The following PPP1R12A variants were observed in gnomAD, a reference collection of about 807,000 sequenced individuals.
PPP1R12A encodes myosin binding subunit.
A neutral mutation model predicts 139.6 loss-of-function variants in PPP1R12A; 19 were observed. The ratio of observed to expected loss-of-function variants is 0.14; its 90% CI spans 0.09 to 0.20. The LOEUF is 0.20. PPP1R12A is among the 10% of genes least tolerant of loss of function. The probability of loss-of-function intolerance (pLI) is 1.00; values close to 1 mark genes in which losing one functional copy is unlikely to be tolerated. For missense variants in PPP1R12A, 925 were observed against 1,211.5 expected (o/e 0.76, Z 3.51); for synonymous variants, 427 against 420.6 (o/e 1.02, Z -0.19).
chr12:79,776,793 G>T (rs1335308117), intron 24 of PPP1R12A, among the ~76,000 whole-genome samples: 3 of 152,212 alleles, frequency 2.0e-5, no homozygotes, highest in African/African-American at 7.2e-5. Flanking sequence ...GATTAAAACT[G>T]TATGTTCTTT....
At chr12:79,868,229 T>C (rs1158278339) in intron 2 of PPP1R12A, among the ~76,000 whole-genome samples, 1 of 152,200 alleles carries the variant, frequency 6.6e-6, no homozygotes, top group African/African-American at 2.4e-5. Context: ...GTATAATGAA[T>C]TGATAATTCA....
At chr12:79,911,100 T>C (rs1886529068) in intron 1 of PPP1R12A, among the ~76,000 whole-genome samples, 1 of 152,206 alleles carries the variant, frequency 6.6e-6, no homozygotes, top group South Asian at 2.1e-4. Context: ...AAATTAATCT[T>C]TCTGCAGTAG....
At chr12:79,928,362 C>A (rs921762812) in intron 1 of PPP1R12A, among the ~76,000 whole-genome samples, 1 of 152,168 alleles carries the variant, frequency 6.6e-6, no homozygotes, top group African/African-American at 2.4e-5. Context: ...GGCACTGGTG[C>A]CCTACCAGCA....
chr12:79,828,230 T>G, intron 5 of PPP1R12A, 90 bp downstream of exon 5: 1 of 1,155,424 alleles, frequency 8.7e-7, no homozygotes, highest in Non-Finnish European at 1.2e-6. Flanking sequence ...AATGTAATCC[T>G]TATAACCTTT....
At chr12:79,825,408 ATAAAT>A (rs1428196511) in intron 5 of PPP1R12A, 23 of 152,106 alleles carry the variant, frequency 1.5e-4, no homozygotes, top group African/African-American at 5.5e-4. Flanking sequence ...AATTATTTTA[ATAAAT>A]TAAGAAAGCA....
chr12:79,927,190 A>C (rs907623772), intron 1 of PPP1R12A, among the ~76,000 whole-genome samples: 2 of 152,152 alleles, frequency 1.3e-5, no homozygotes, highest in Non-Finnish European at 2.9e-5. Flanking sequence ...ACCCTGTCTC[A>C]AAACACACAT....
At chr12:79,833,437 A>G (rs1049649169) in intron 3 of PPP1R12A, among the ~76,000 whole-genome samples, 3 of 152,102 alleles carry the variant, frequency 2.0e-5, no homozygotes, top group African/African-American at 4.8e-5. Context: ...AACAGCACAC[A>G]CCGCAATGCA....
Position 79,909,846 on chromosome 12 carries a change from C to T in PPP1R12A, c.237+24849G>A, listed in dbSNP as rs983150804. Among the ~76,000 whole-genome samples the T allele has an allele frequency of 9.9e-5, 15 of 151,854 alleles. 1 individual carries two copies. The South Asian group carries it at 3.1e-3, about 32-fold the overall frequency. ...GTTTTGAGACACAGTCTCACTCTGT[C>T]GCCCAGGCATCATATCCGGCTAATT... On this transcript the variant is annotated intron_variant, in intron 1 of 24. Transcript: ENST00000450142.
At chr12:79,923,112 T>C (rs1887571550) in intron 1 of PPP1R12A, among the ~76,000 whole-genome samples, 1 of 151,838 alleles carries the variant, frequency 6.6e-6, no homozygotes, top group South Asian at 2.1e-4. Context: ...CCATCTTTAC[T>C]AAAATACAAA....
upstream of PPP1R12A, chr12:79,935,417 G>C (rs1888593645): frequency 1.0e-6 from 1 of 991,566 alleles, no homozygotes; most frequent in Non-Finnish European, 1.2e-6. Context: ...GGAATCCGGA[G>C]GCCAGCAGTG....
Position 79,781,861 on chromosome 12 carries a change from C to A in PPP1R12A, c.2909G>T (p.Arg970Ile), listed in dbSNP as rs1346245455. ...TGATCTATCAGCAAATCTTTCTTGT[C>A]TCTGCAACAAAGTAAGAAATTATAA... The part of the protein sequence containing the change: ...LKLQLEKATQ[R>I]QERFADRSLL... Residue 970 changes from arginine to isoleucine, a missense_variant and splice_region_variant, in exon 23 of 25, where the codon AGA becomes ATA. Physicochemically the swap from Arg to Ile is moderately conservative, Grantham distance 97. Coordinates refer to ENST00000450142, the MANE Select transcript of PPP1R12A (RefSeq NM_002480.3). 4 of 1,538,018 alleles carry A rather than the reference C, an allele frequency of 2.6e-6. No individual in the cohort carries two copies. Among genetic ancestry groups the A allele is most frequent in the Non-Finnish European group, 3.5e-6 (4 of 1,137,174 alleles).
chr12:79,850,246 C>A (rs1262847941), intron 2 of PPP1R12A, among the ~76,000 whole-genome samples: 1 of 152,060 alleles, frequency 6.6e-6, no homozygotes, highest in Non-Finnish European at 1.5e-5. Flanking sequence ...AAGACATGAT[C>A]CAAAAGGATT....
intron 13 of PPP1R12A, 129 bp downstream of exon 13, chr12:79,806,037 A>G (rs931456203): frequency 3.4e-5 from 44 of 1,300,974 alleles, no homozygotes; most frequent in Admixed American, 4.7e-5. Flanking sequence ...TTTGGAACCA[A>G]TTTTTGTCTG....
chr12:79,785,682 C>G (rs1871031997), intron 22 of PPP1R12A, among the ~76,000 whole-genome samples: 1 of 152,032 alleles, frequency 6.6e-6, no homozygotes, highest in Non-Finnish European at 1.5e-5. Context: ...ATAAATAGAC[C>G]CTGTAAAGTC....
At chr12:79,886,798 G>A (rs1341897348) in intron 1 of PPP1R12A, among the ~76,000 whole-genome samples, 1 of 152,130 alleles carries the variant, frequency 6.6e-6, no homozygotes, top group Non-Finnish European at 1.5e-5. Context: ...GAATGAGAAT[G>A]CCAAAAACTA....
chr12:79,834,508 G>T (rs1197201122), intron 3 of PPP1R12A, among the ~76,000 whole-genome samples: 1 of 152,226 alleles, frequency 6.6e-6, no homozygotes, highest in Non-Finnish European at 1.5e-5. Context: ...AGACAGTAAA[G>T]TGGTTGAATT....
rs748996289 is a variant in PPP1R12A at position 79,806,237 on chromosome 12, T to A, written c.1752A>T (p.Lys584Asn). Reference sequence around the variant, plus strand: ...TAGTGCTTGTGCTGGAAAGCAGGCTTTTCTGAAGCCCAGCTGCAGAGGTAA... The same window carrying A: ...TAGTGCTTGTGCTGGAAAGCAGGCTATTCTGAAGCCCAGCTGCAGAGGTAA... ...PTVTSAAGLQKSLLSSTSTTT... is the reference protein window; with the variant it reads ...PTVTSAAGLQNSLLSSTSTTT... Residue 584 changes from lysine (K) to asparagine (N), a missense_variant, in exon 13 of 25, where the codon AAA (lysine) becomes AAT (asparagine). Physicochemically the swap from Lys to Asn is moderately conservative, Grantham distance 94. This residue lies in a region of PPP1R12A where 403 missense variants were observed against 463.7 expected (regional missense o/e 0.87). Transcript: ENST00000450142. The A allele has an allele frequency of 5.0e-5, 80 of 1,613,858 alleles. No homozygotes were observed. The highest frequency in any genetic ancestry group is 6.4e-5 in the Non-Finnish European group (76 of 1,179,848).
intron 19 of PPP1R12A, among the ~76,000 whole-genome samples, chr12:79,792,136 C>T (rs761998025): frequency 2.6e-5 from 4 of 152,170 alleles, no homozygotes; most frequent in Non-Finnish European, 5.9e-5. Context: ...ATCTAACCAA[C>T]CTTTTCTGGA....
chr12:79,881,650 A>G (rs1883647977), intron 1 of PPP1R12A, among the ~76,000 whole-genome samples: 1 of 152,218 alleles, frequency 6.6e-6, no homozygotes, highest in East Asian at 1.9e-4. Context: ...GATGCAGCTA[A>G]AATCACTGAT....
Sources: allele counts gnomAD v4.1 joint callset (sites outside exome capture counted in the v4.1 genomes callset), GRCh38; gene constraint gnomAD v4.1.1; regional missense constraint gnomAD v4.1.1; transcripts MANE v1.5; gene names NCBI Gene and HGNC (gene_info 2026-07-23, HGNC 2026-07-21).